The following PEX5L variants were observed in gnomAD, a reference collection of about 807,000 sequenced individuals.
PEX5L encodes PEX5-related protein.
In PEX5L, 30 loss-of-function variants were observed where a neutral mutation model predicts 84.0. That is an observed-to-expected ratio of 0.36 (90% CI 0.27 to 0.48). The LOEUF is 0.48. Ranked by LOEUF, PEX5L falls within the 20% of genes least tolerant of loss-of-function variation. PEX5L has a pLI of 0.99. For synonymous variants in PEX5L, 270 were observed against 283.1 expected (o/e 0.95, Z 0.46); for missense variants, 533 against 754.6 (o/e 0.71, Z 3.44).
chr3:179,870,567 T>C (rs1749950662), intron 7 of PEX5L, among the ~76,000 whole-genome samples: 1 of 152,176 alleles, frequency 6.6e-6, no homozygotes, highest in African/African-American at 2.4e-5. Flanking sequence ...GATGAACCTA[T>C]TACAGTTACC....
In PEX5L at chr3:179,802,550, A is replaced by AAAAAAG. The variant is rs1553813985; in HGVS notation, c.1677-519_1677-518insCTTTTT. Among the ~76,000 whole-genome samples the AAAAAAG allele has an allele frequency of 9.7e-4, 127 of 131,494 alleles. 1 individual carries two copies. Among genetic ancestry groups the AAAAAAG allele is most frequent in the East Asian group, 2.1e-3 (10 of 4,858 alleles). 86.3% of individuals were successfully genotyped at this position (131,494 alleles called of 152,430 possible). A position where few individuals can be genotyped will look rare whatever the true frequency, so the allele number is the denominator to read the frequency against. Reference sequence around the variant, plus strand: ...ACTGTCTCAAAAAAAAAAAAAAAAAAAAAAGAAAAGAAAAGAAAAGAAAAT... The same window carrying AAAAAAG: ...ACTGTCTCAAAAAAAAAAAAAAAAAAAAAAAGAAAAGAAAAGAAAAGAAAAGAAAAT... On this transcript the variant is annotated intron_variant, in intron 14 of 14. Coordinates refer to ENST00000467460, the MANE Select transcript of PEX5L (RefSeq NM_016559.3).
intron 2 of PEX5L, among the ~76,000 whole-genome samples, chr3:179,905,316 A>G (rs1372463636): frequency 6.8e-6 from 1 of 147,912 alleles, no homozygotes; most frequent in Non-Finnish European, 1.5e-5. Flanking sequence ...TCTGTCGCCC[A>G]GGCTGGAGTG....
chr3:179,901,491 A>G (rs1195484978), intron 2 of PEX5L, among the ~76,000 whole-genome samples: 1 of 152,202 alleles, frequency 6.6e-6, no homozygotes, highest in Non-Finnish European at 1.5e-5. Flanking sequence ...CTTCTATGCC[A>G]CTCAGCAACA....
rs1302046332 is a variant in PEX5L at position 179,808,286 on chromosome 3, T to C, written c.1504A>G (p.Thr502Ala). ...TGCTGTCTTACCTCTGGCCGAACAG[T>C]TAAGGCAGCGTTAAATGCATCTATT... ...RAIDAFNAAL[T>A]VRPEDYSLWN... is the part of the protein sequence containing the mutation. Residue 502 changes from threonine to alanine, a missense_variant, in exon 13 of 15, where the codon ACT becomes GCT. Physicochemically the swap from Thr to Ala is moderately conservative, Grantham distance 58. Transcript: ENST00000467460. 1 of 1,586,812 alleles carries C rather than the reference T, an allele frequency of 6.3e-7. No homozygotes were observed. Among genetic ancestry groups the C allele is most frequent in the Admixed American group, 1.9e-5 (1 of 53,526 alleles).
chr3:179,802,713 T>A (rs1386997716), intron 14 of PEX5L, among the ~76,000 whole-genome samples: 1 of 152,144 alleles, frequency 6.6e-6, no homozygotes, highest in Non-Finnish European at 1.5e-5. Flanking sequence ...TATAACTAGG[T>A]TTAAGAGGAA....
intron 14 of PEX5L, among the ~76,000 whole-genome samples, chr3:179,804,774 T>C (rs1720547512): frequency 6.6e-6 from 1 of 152,226 alleles, no homozygotes; most frequent in Non-Finnish European, 1.5e-5. Flanking sequence ...ATTTCCTGAG[T>C]ATGCACTTAT....
rs371898035 is a variant in PEX5L, at chr3:179,810,895, A to T, written c.1154+906T>A. 8.0e-4 allele frequency among the ~76,000 whole-genome samples: 122 copies of T among 152,254 alleles called. 2 individuals are homozygous for T. Among genetic ancestry groups the T allele is most frequent in the African/African-American group, 2.7e-3 (111 of 41,538 alleles). ...GTGTATACAGGGTTAAGAACCACTG[A>T]CTCAGAGCTCCAGATGTGGAGTTGG... On this transcript the variant is annotated intron_variant, in intron 11 of 14. Coordinates refer to ENST00000467460, the MANE Select transcript of PEX5L (RefSeq NM_016559.3).
chr3:179,968,470 A>G (rs1783905581), intron 2 of PEX5L, among the ~76,000 whole-genome samples: 1 of 152,166 alleles, frequency 6.6e-6, no homozygotes, highest in Non-Finnish European at 1.5e-5. Context: ...ATGCCATAAT[A>G]GATGTTTAAA....
chr3:179,903,728 G>A (rs1432695906), intron 2 of PEX5L, among the ~76,000 whole-genome samples: 2 of 152,150 alleles, frequency 1.3e-5, no homozygotes, highest in Non-Finnish European at 2.9e-5. Context: ...TCCCAACACA[G>A]GAAAAGGTCA....
chr3:179,817,351 C>T (rs1281098513), intron 9 of PEX5L, among the ~76,000 whole-genome samples: 2 of 152,118 alleles, frequency 1.3e-5, no homozygotes, highest in Non-Finnish European at 2.9e-5. Flanking sequence ...TGTGATTTCT[C>T]TATGTTATTA....
intron 2 of PEX5L, among the ~76,000 whole-genome samples, chr3:179,962,587 A>G (rs1260475354): frequency 6.6e-6 from 1 of 152,114 alleles, no homozygotes; most frequent in African/African-American, 2.4e-5. Flanking sequence ...GGAATTTTTA[A>G]TTTTTTAATC....
rs370782845 is a variant in PEX5L, at chr3:180,030,055, ACAGTACTGG to A, written c.21+6515_21+6523del. On this transcript the variant is annotated intron_variant, in intron 1 of 14. Coordinates refer to ENST00000467460, the MANE Select transcript of PEX5L (RefSeq NM_016559.3). Reference sequence around the variant, plus strand: ...TCACTGTTTCTGATCACTTTTCATGACAGTACTGGCAGGGCTCTGTCAGAGGCTCACCCA... The same window carrying A: ...TCACTGTTTCTGATCACTTTTCATGACAGGGCTCTGTCAGAGGCTCACCCA... 4.2e-3 allele frequency among the ~76,000 whole-genome samples: 638 copies of A among 152,222 alleles called. 3 individuals carry two copies. The highest frequency in any genetic ancestry group is 0.015 in the African/African-American group (611 of 41,526).
chr3:179,864,056 T>C (rs1283869429), intron 7 of PEX5L, among the ~76,000 whole-genome samples: 3 of 152,106 alleles, frequency 2.0e-5, no homozygotes, highest in African/African-American at 7.2e-5. Flanking sequence ...TATGACTTGC[T>C]CCTCCTTGCC....
In PEX5L at chr3:179,916,955, C is replaced by A. The variant is rs575934747; in HGVS notation, c.94-18709G>T. Among the ~76,000 whole-genome samples the A allele has an allele frequency of 7.9e-5, 12 of 151,920 alleles. No homozygotes were observed. In the East Asian group the frequency reaches 2.3e-3, roughly 29 times the overall value. On this transcript the variant is annotated intron_variant, in intron 2 of 14. Transcript: ENST00000467460. ...AAAGTGCTGGGATTACAGGAGTGAA[C>A]CACCATGCCCGACCTAAAAAATCCC...
intron 3 of PEX5L, among the ~76,000 whole-genome samples, chr3:179,892,984 A>G (rs1758058790): frequency 6.6e-6 from 1 of 152,182 alleles, no homozygotes; most frequent in Non-Finnish European, 1.5e-5. Context: ...AAAACCCTTA[A>G]GTGGTCAACT....
chr3:179,808,199 A>G (rs1158121595), intron 13 of PEX5L, 73 bp downstream of exon 13: 4 of 1,226,606 alleles, frequency 3.3e-6, no homozygotes, highest in Non-Finnish European at 3.3e-6. Context: ...GAAGAAATGT[A>G]GACGGTGTAG....
intron 7 of PEX5L, among the ~76,000 whole-genome samples, chr3:179,865,159 C>A (rs1180661842): frequency 1.3e-5 from 2 of 152,154 alleles, no homozygotes; most frequent in Non-Finnish European, 2.9e-5. Flanking sequence ...ACAACAAGTG[C>A]AAATAGAATC....
intron 2 of PEX5L, among the ~76,000 whole-genome samples, chr3:179,906,897 CAT>C (rs1763426067): frequency 1.3e-5 from 2 of 152,138 alleles, no homozygotes; most frequent in African/African-American, 4.8e-5. Flanking sequence ...AATCATTCAT[CAT>C]CAACATAGGT....
intron 8 of PEX5L, among the ~76,000 whole-genome samples, chr3:179,842,176 A>G (rs1737567312): frequency 6.6e-6 from 1 of 152,212 alleles, no homozygotes; most frequent in South Asian, 2.1e-4. Context: ...TCTGCCTTCT[A>G]GCCTGCTGCT....
Sources: gnomAD v4.1 joint callset for allele counts (sites outside exome capture counted in the v4.1 genomes callset) on GRCh38, gnomAD v4.1.1 for gene constraint, MANE v1.5 for transcripts, NCBI Gene and HGNC (gene_info 2026-07-23, HGNC 2026-07-21) for gene names.